CACNA1H: variants seen among roughly 807,000 people sequenced by gnomAD.
CACNA1H encodes the protein voltage-dependent T-type calcium channel subunit alpha-1H.
Under a neutral mutation model 192.5 loss-of-function variants are expected in CACNA1H, and 149 were observed. The observed-to-expected ratio is 0.77, with a 90% CI of 0.68 to 0.89. The LOEUF (loss-of-function observed/expected upper bound fraction) is 0.89, where lower values mean the gene tolerates loss of function less well. Among genes scored for constraint, CACNA1H ranks in the 40% least tolerant of loss-of-function variants. The pLI is 0.00. For synonymous variants in CACNA1H, 2,202 were observed against 1,475.2 expected (o/e 1.49, Z -11.29); for missense variants, 4,257 against 3,423.5 (o/e 1.24, Z -6.08).
At chr16:1,214,779 C>T (rs1596468603) in intron 27 of CACNA1H, among the ~76,000 whole-genome samples, 193 bp from the exon 28 acceptor site, 1 of 152,150 alleles carries the variant, frequency 6.6e-6, no homozygotes, top group African/African-American at 2.4e-5. Flanking sequence ...TGATCAGACA[C>T]TTACGGAGCA....
At chr16:1,212,818 G>A (rs1567545109) in intron 26 of CACNA1H, among the ~76,000 whole-genome samples, 3 of 152,232 alleles carry the variant, frequency 2.0e-5, no homozygotes, top group African/African-American at 7.2e-5. Context: ...TGGCTGTCCT[G>A]TGTCCTTGCT....
chr16:1,210,349 C>CAA, intron 18 of CACNA1H, 21 bp from the exon 19 acceptor site: 1 of 501,588 alleles, frequency 2.0e-6, no homozygotes, highest in Non-Finnish European at 3.6e-6. Context: ...CCCCACCTCT[C>CAA]ACCCGCCCCC....
At chr16:1,183,412 C>T (rs1465800613) in intron 2 of CACNA1H, among the ~76,000 whole-genome samples, 1 of 152,198 alleles carries the variant, frequency 6.6e-6, no homozygotes, top group African/African-American at 2.4e-5. Context: ...CCTGGCCCCT[C>T]CCCCCAGCCC....
Position 1,212,062 on chromosome 16 carries a change from C to T in CACNA1H, c.4683C>T (p.Cys1561=). Residue 1561 remains cysteine (C), a synonymous_variant, in exon 25 of 35, where the codon TGC becomes TGT. Coordinates refer to ENST00000348261, the MANE Select transcript of CACNA1H (RefSeq NM_021098.3). The part of the protein sequence containing the change: ...VGVVVENFHK[C]RQHQEAEEAR... ...TCGTGGTCGAGAACTTCCACAAGTGCCGGCAGCACCAGGAGGCGGAGGAGG... is the reference window on the plus strand; with the variant it reads ...TCGTGGTCGAGAACTTCCACAAGTGTCGGCAGCACCAGGAGGCGGAGGAGG... The T allele has an allele frequency of 1.9e-6, 3 of 1,613,114 alleles. No individual in the cohort carries two copies. The highest frequency in any genetic ancestry group is 1.7e-5 in the Admixed American group (1 of 60,024).
In CACNA1H at chr16:1,204,229, A is replaced by T; in HGVS notation, c.2222A>T (p.Asp741Val). 3 of 1,610,908 alleles carry T rather than the reference A, an allele frequency of 1.9e-6. No individual in the cohort carries two copies. Among genetic ancestry groups the T allele is most frequent in the Non-Finnish European group, 2.5e-6 (3 of 1,179,168 alleles). ...TQDVRHGDRW[D>V]PTRPPRATDT... ...GACGTCCGGCACGGTGACCGCTGGG[A>T]CCCCACGCGACCACCCCGTGCGACG... The change falls in exon 10 of 35, where the codon GAC (aspartate) becomes GTC (valine). Residue 741 changes from aspartate to valine, a missense_variant. By Grantham distance (152) the Asp-to-Val change is radical. Coordinates refer to ENST00000348261, the MANE Select transcript of CACNA1H (RefSeq NM_021098.3).
intron 1 of CACNA1H, 74 bp from the exon 2 acceptor site, chr16:1,153,646 C>A: frequency 1.0e-6 from 1 of 978,540 alleles, no homozygotes; most frequent in Non-Finnish European, 1.3e-6. Context: ...CGCGGCTGTT[C>A]CCGCAGCTCC....
intron 22 of CACNA1H, 55 bp from the exon 23 acceptor site, chr16:1,211,426 G>C (rs368461019): frequency 6.2e-7 from 1 of 1,610,158 alleles, no homozygotes; most frequent in Non-Finnish European, 8.5e-7. Context: ...CAGGAAGTCC[G>C]GTGTGGGGTG....
rs778972217 is a variant in CACNA1H, at chr16:1,201,773, G to A, written c.1323G>A (p.Leu441=). 3.7e-6 allele frequency: 6 copies of A among 1,605,460 alleles called. No homozygotes were observed. The Admixed American group carries it at 6.8e-5, about 18-fold the overall frequency. ...TGCGGGAGCAGCGGGCACGCCACCT[G>A]TCCAACGACAGCACGCTGGCCAGCT... ...QLMREQRARH[L]SNDSTLASFS... Residue 441 remains leucine, a synonymous_variant, in exon 9 of 35, where the codon CTG becomes CTA. Coordinates refer to ENST00000348261, the MANE Select transcript of CACNA1H (RefSeq NM_021098.3).
intron 2 of CACNA1H, chr16:1,157,612 CGTG>C (rs1962599490): frequency 1.3e-5 from 2 of 152,292 alleles, no homozygotes; most frequent in African/African-American, 4.8e-5. Flanking sequence ...GCAGGCCTCT[CGTG>C]GGCAGGACGG....
rs1968981187 is a variant in CACNA1H at position 1,208,191 on chromosome 16, G to A, written c.3333G>A (p.Gly1111=). The change falls in exon 16 of 35, where the codon GGG becomes GGA. Residue 1111 remains glycine (G), a synonymous_variant. Transcript: ENST00000348261. ...CTCGGCGTGGCAGCAGCAGCTCCGG[G>A]GACCCGCCACTGGGAGACCAGAAGC... ...PDSRRGSSSS[G]DPPLGDQKPP... The A allele has an allele frequency of 6.5e-7, 1 of 1,550,102 alleles. No individual in the cohort carries two copies. The highest frequency in any genetic ancestry group is 1.4e-5 in the African/African-American group (1 of 73,190).
Position 1,209,090 on chromosome 16 carries a change from G to C in CACNA1H, c.3422G>C (p.Arg1141Pro). 1 of 1,544,974 alleles carries C rather than the reference G, an allele frequency of 6.5e-7. No individual in the cohort carries two copies. The highest frequency in any genetic ancestry group is 8.7e-7 in the Non-Finnish European group (1 of 1,148,246). ...PWGPSGAWSS[R>P]RSSWSSLGRA... The stretch of plus-strand genomic sequence containing the variant: ...GGCCCCAGTGGCGCCTGGAGCAGCC[G>C]GCGCTCCAGCTGGAGCAGCCTGGGC... Residue 1141 changes from arginine to proline, a missense_variant, in exon 17 of 35, where the codon CGG becomes CCG. Transcript: ENST00000348261.
Position 1,210,668 on chromosome 16 carries a change from G to T in CACNA1H, c.4038+17G>T, listed in dbSNP as rs578041058. The T allele has an allele frequency of 4.0e-5, 64 of 1,599,320 alleles. 1 individual carries two copies. The South Asian group carries it at 6.9e-4, about 17-fold the overall frequency. On this transcript the variant is annotated intron_variant, in intron 20 of 34. Coordinates refer to ENST00000348261, the MANE Select transcript of CACNA1H (RefSeq NM_021098.3). The stretch of plus-strand genomic sequence containing the variant: ...ATGGTGAAGGTACCGCGGGGCCCGG[G>T]GACTGCCCTTGTTCCCAGGTCCCCG...
chr16:1,173,621 G>A (rs375379350), intron 2 of CACNA1H, among the ~76,000 whole-genome samples: 2 of 152,270 alleles, frequency 1.3e-5, no homozygotes, highest in Non-Finnish European at 2.9e-5. Context: ...AAGAGGGGCT[G>A]TGTTTTGCAG....
rs370077125 is a variant in CACNA1H at position 1,200,550 on chromosome 16, C to T, written c.1098C>T (p.Tyr366=). 2.4e-5 allele frequency: 38 copies of T among 1,612,022 alleles called. No homozygotes were observed. Among genetic ancestry groups the T allele is most frequent in the East Asian group, 6.7e-5 (3 of 44,878 alleles). Residue 366 remains tyrosine (Y), a synonymous_variant, in exon 7 of 35, where the codon TAC becomes TAT. Transcript: ENST00000348261. ...CCATCAACTTCGACAACATCGGCTA[C>T]GCCTGGATTGCCATCTTCCAGGTGG... ...NGAINFDNIG[Y]AWIAIFQVIT... is the part of the protein sequence containing the mutation.
intron 2 of CACNA1H, among the ~76,000 whole-genome samples, chr16:1,193,233 C>T (rs1399524284): frequency 6.6e-6 from 1 of 152,234 alleles, no homozygotes; most frequent in Non-Finnish European, 1.5e-5. Flanking sequence ...AAAGACAGTC[C>T]CCAGCCACCC....
intron 2 of CACNA1H, among the ~76,000 whole-genome samples, chr16:1,161,226 C>T (rs1004275927): frequency 6.6e-6 from 1 of 152,244 alleles, no homozygotes; most frequent in African/African-American, 2.4e-5. Flanking sequence ...GGGAGCGAAG[C>T]TGTTCCTTTG....
At position 1,201,967 on chromosome 16, in the gene CACNA1H, G is replaced by C; in HGVS notation, c.1517G>C (p.Arg506Pro). ...QGQGPGHRQR[R>P]AGRHTASVHH... ...CAGGGTCCCGGGCACCGCCAGCGCC[G>C]GGCAGGCAGGCACACAGCCTCGGTG... The change falls in exon 9 of 35, where the codon CGG (arginine) becomes CCG (proline). Residue 506 changes from arginine to proline, a missense_variant. Coordinates refer to ENST00000348261, the MANE Select transcript of CACNA1H (RefSeq NM_021098.3). 6.5e-7 allele frequency: 1 copy of C among 1,544,258 alleles called. No individual in the cohort carries two copies. The highest frequency in any genetic ancestry group is 1.2e-5 in the South Asian group (1 of 83,938).
Position 1,212,360 on chromosome 16 carries a change from C to T in CACNA1H, c.4760-151C>T, listed in dbSNP as rs973291236. On this transcript the variant is annotated intron_variant, in intron 25 of 34. Coordinates refer to ENST00000348261, the MANE Select transcript of CACNA1H (RefSeq NM_021098.3). ...GAGGAGACACCCCCAACCCCATCCC[C>T]AGCGCCCAAGAGGCAGGTTCCCCAC... is the stretch of plus-strand genomic sequence containing the variant. The T allele has an allele frequency of 1.1e-5, 11 of 1,016,710 alleles. No homozygotes were observed. The African/African-American group carries it at 1.5e-4, about 14-fold the overall frequency. The allele number at this position is 1,016,710 out of a possible 1,614,324, so 63.0% of individuals were successfully genotyped here.
In CACNA1H at chr16:1,166,340, C is replaced by T. The variant is rs77820612; in HGVS notation, c.299+12304C>T. The stretch of plus-strand genomic sequence containing the variant: ...CCTGCTCAGCTCCGTGGCTCCAGGC[C>T]AAGTAACGGTGCCCTGAATCCCGGC... On this transcript the variant is annotated intron_variant, in intron 2 of 34. Transcript: ENST00000348261. 1.4e-4 allele frequency among the ~76,000 whole-genome samples: 22 copies of T among 152,330 alleles called. No homozygotes were observed. In the East Asian group the frequency reaches 4.3e-3, roughly 29 times the overall value.
Sources: allele counts gnomAD v4.1 joint callset (sites outside exome capture counted in the v4.1 genomes callset), GRCh38; gene constraint gnomAD v4.1.1; transcripts MANE v1.5; gene names NCBI Gene and HGNC (gene_info 2026-07-23, HGNC 2026-07-21).